Variants in ASTN1 observed in about 807,000 individuals in gnomAD.
ASTN1 encodes astrotactin 1, also known as astrotactin-1.
In ASTN1, 41 loss-of-function variants were observed where a neutral mutation model predicts 140.7. The observed-to-expected ratio is 0.29, with a 90% CI of 0.23 to 0.38. The LOEUF is 0.38. ASTN1 is among the 10% of genes least tolerant of loss of function. The pLI, the probability that ASTN1 is intolerant of heterozygous loss-of-function variation, is 1.00. For synonymous variants in ASTN1, 640 were observed against 652.2 expected (o/e 0.98, Z 0.29); for missense variants, 1,479 against 1,678.8 (o/e 0.88, Z 2.08).
At chr1:177,041,657 A>G (rs985498736) in intron 2 of ASTN1, among the ~76,000 whole-genome samples, 1 of 152,266 alleles carries the variant, frequency 6.6e-6, no homozygotes, top group Non-Finnish European at 1.5e-5. Context: ...AAATAAAATA[A>G]TAACAATAAT....
chr1:177,091,432 T>C (rs1679745393), intron 1 of ASTN1, among the ~76,000 whole-genome samples: 1 of 152,232 alleles, frequency 6.6e-6, no homozygotes, highest in Non-Finnish European at 1.5e-5. Context: ...TCAGCCCATC[T>C]TTCCAATCTG....
intron 21 of ASTN1, among the ~76,000 whole-genome samples, chr1:176,875,520 A>G (rs527360176): frequency 2.6e-5 from 4 of 152,222 alleles, no homozygotes; most frequent in African/African-American, 9.6e-5. Context: ...TAGTGCTACA[A>G]TATTAGTGGT....
chr1:176,913,781 G>C (rs1670357873), intron 16 of ASTN1, among the ~76,000 whole-genome samples: 1 of 152,174 alleles, frequency 6.6e-6, no homozygotes, highest in African/African-American at 2.4e-5. Context: ...ATCATGATTG[G>C]AAAGTAGATA....
At chr1:177,065,090 G>C (rs1678286707) in intron 1 of ASTN1, among the ~76,000 whole-genome samples, 1 of 152,194 alleles carries the variant, frequency 6.6e-6, no homozygotes, top group Admixed American at 6.5e-5. Context: ...CCTGCCCAAG[G>C]CCAGCTGAGG....
chr1:176,863,416 G>A lies in ASTN1; in HGVS notation c.*868C>T, dbSNP rs6413830. 385,197 of 985,462 alleles carry A rather than the reference G, an allele frequency of 0.39. 77,203 individuals carry two copies. The highest frequency in any genetic ancestry group is 0.72 in the East Asian group (6,342 of 8,756). The allele number at this position is 985,462 out of a possible 1,614,324, so 61.0% of individuals were successfully genotyped here. On this transcript the variant is annotated 3_prime_UTR_variant, in exon 23 of 23. Coordinates refer to ENST00000361833, the MANE Select transcript of ASTN1 (RefSeq NM_004319.3). ...CCAGGCACATGGATATATATTGGTAGGCTGGAGAAGTCTATCCAAAGGAAG... is the reference window on the plus strand; with the variant it reads ...CCAGGCACATGGATATATATTGGTAAGCTGGAGAAGTCTATCCAAAGGAAG...
intron 8 of ASTN1, among the ~76,000 whole-genome samples, chr1:176,966,112 A>G (rs1035902288): frequency 6.6e-6 from 1 of 152,240 alleles, no homozygotes; most frequent in African/African-American, 2.4e-5. Flanking sequence ...AGGTGGATTT[A>G]GCCCTTACAC....
intron 8 of ASTN1, among the ~76,000 whole-genome samples, chr1:176,969,666 T>G (rs558462152): frequency 3.9e-5 from 6 of 152,226 alleles, no homozygotes; most frequent in Admixed American, 3.9e-4. Context: ...ATGGATGGTG[T>G]CAGGTCAGAT....
chr1:176,996,240 G>A (rs938445404), intron 8 of ASTN1, among the ~76,000 whole-genome samples: 1 of 150,826 alleles, frequency 6.6e-6, no homozygotes, highest in Admixed American at 6.6e-5. Context: ...TAAATGGCAA[G>A]TAAGAGACAG....
intron 2 of ASTN1, among the ~76,000 whole-genome samples, chr1:177,047,778 A>C (rs1455424274): frequency 2.6e-5 from 4 of 152,238 alleles, no homozygotes. Flanking sequence ...CATGCTGGGC[A>C]TAAGGACAGT....
chr1:176,993,067 G>C (rs990674336), intron 8 of ASTN1, among the ~76,000 whole-genome samples: 5 of 152,176 alleles, frequency 3.3e-5, no homozygotes, highest in African/African-American at 1.2e-4. Flanking sequence ...CTGCAAACCA[G>C]GAAGAGAACC....
chr1:177,016,632 C>T (rs1675559649), intron 7 of ASTN1, among the ~76,000 whole-genome samples: 1 of 152,130 alleles, frequency 6.6e-6, no homozygotes, highest in African/African-American at 2.4e-5. Flanking sequence ...GGCTTCACAC[C>T]TTCTCAATTC....
intron 16 of ASTN1, among the ~76,000 whole-genome samples, chr1:176,932,147 T>A (rs531583713): frequency 2.6e-5 from 4 of 152,182 alleles, no homozygotes; most frequent in Admixed American, 6.5e-5. Context: ...TATCTAGTCA[T>A]AGGTACAGAA....
chr1:176,957,392 A>G (rs956437434), intron 11 of ASTN1, among the ~76,000 whole-genome samples: 2 of 152,042 alleles, frequency 1.3e-5, no homozygotes, highest in East Asian at 1.9e-4. Context: ...TTTCTATTAC[A>G]TTTAGAATCA....
intron 21 of ASTN1, 141 bp from the exon 22 acceptor site, chr1:176,869,168 G>A: frequency 4.0e-6 from 2 of 499,598 alleles, no homozygotes; most frequent in Non-Finnish European, 6.3e-6. Context: ...TATATAATAT[G>A]CATATATATC....
At chr1:177,032,314 T>C (rs1676481717) in intron 3 of ASTN1, 142 bp downstream of exon 3, 2 of 1,139,054 alleles carry the variant, frequency 1.8e-6, no homozygotes, top group Non-Finnish European at 2.5e-6. Context: ...AGGAAACAGG[T>C]TATTCTTGCC....
intron 3 of ASTN1, among the ~76,000 whole-genome samples, 173 bp from the exon 4 acceptor site, chr1:177,031,125 G>T (rs187790835): frequency 3.0e-3 from 450 of 152,268 alleles, no homozygotes; most frequent in Admixed American, 4.2e-3. Context: ...ATTTCTGAGG[G>T]ACTGCAAAGT....
rs1469944947 is a variant in ASTN1, at chr1:176,863,039, C to G, written c.*1245G>C. 1 of 985,572 alleles carries G rather than the reference C, an allele frequency of 1.0e-6. No homozygotes were observed. The highest frequency in any genetic ancestry group is 1.7e-5 in the African/African-American group (1 of 57,352). 61.1% of individuals were successfully genotyped at this position (985,572 alleles called of 1,614,324 possible). On this transcript the variant is annotated 3_prime_UTR_variant, in exon 23 of 23. Transcript: ENST00000361833. ...AGGCTCTTTCTGAAAGGCTGGGCTT[C>G]CTGTTGGCTGGGCCACCATTCATGA...
chr1:176,885,887 T>C (rs1048982654), intron 18 of ASTN1, among the ~76,000 whole-genome samples: 3 of 152,062 alleles, frequency 2.0e-5, no homozygotes, highest in African/African-American at 7.2e-5. Context: ...AAGTAAGGAA[T>C]TCAACTAGTG....
At chr1:176,993,017 C>T (rs1227350431) in intron 8 of ASTN1, among the ~76,000 whole-genome samples, 1 of 152,192 alleles carries the variant, frequency 6.6e-6, no homozygotes, top group African/African-American at 2.4e-5. Flanking sequence ...CGCCAGAGCT[C>T]CCTCTCTGCC....
Sources: allele counts gnomAD v4.1 joint callset (sites outside exome capture counted in the v4.1 genomes callset), GRCh38; gene constraint gnomAD v4.1.1; transcripts MANE v1.5; gene names NCBI Gene and HGNC (gene_info 2026-07-23, HGNC 2026-07-21).